Variants in ACSF3 observed in about 807,000 individuals in gnomAD.
ACSF3 encodes malonate--CoA ligase ACSF3, mitochondrial.
Under a neutral mutation model 53.2 loss-of-function variants are expected in ACSF3, and 78 were observed. The observed-to-expected ratio is 1.47, with a 90% CI of 1.22 to 1.77. ACSF3 has a LOEUF of 1.77. ACSF3 is among the 40% of genes most tolerant of loss of function. ACSF3 has a pLI of 0.00. For missense variants in ACSF3, 937 were observed against 771.1 expected (o/e 1.22, Z -2.55); for synonymous variants, 414 against 333.1 (o/e 1.24, Z -2.65).
rs907702954 is a variant in ACSF3, at chr16:89,112,017, C to T, written c.823-75C>T. On this transcript the variant is annotated intron_variant, in intron 4 of 10. Transcript: ENST00000614302. ...GAATGTGAACCATGAGAACGCTGTG[C>T]CTGGAGCCAGGAGCCTCCGCCACGG... 3 of 164,806 alleles carry T rather than the reference C, an allele frequency of 1.8e-5. No individual in the cohort carries two copies. The African/African-American group carries it at 2.4e-4, about 13-fold the overall frequency. 10.2% of individuals were successfully genotyped at this position (164,806 alleles called of 1,614,324 possible).
At chr16:89,105,048 C>T (rs1006267403) in intron 4 of ACSF3, among the ~76,000 whole-genome samples, 23 of 151,218 alleles carry the variant, frequency 1.5e-4, no homozygotes, top group Non-Finnish European at 2.8e-4. Flanking sequence ...AGGGCCCCGT[C>T]GCCAGGGTCA....
chr16:89,112,707 C>T (rs748602798), intron 5 of ACSF3, among the ~76,000 whole-genome samples: 6 of 152,008 alleles, frequency 3.9e-5, no homozygotes, highest in Non-Finnish European at 7.4e-5. Context: ...TCTTTGTCTC[C>T]GTCTGTCTGT....
At chr16:89,101,780 C>T (rs1975375470) in intron 3 of ACSF3, among the ~76,000 whole-genome samples, 1 of 152,244 alleles carries the variant, frequency 6.6e-6, no homozygotes, top group Non-Finnish European at 1.5e-5. Flanking sequence ...ACATCACTTA[C>T]CTGGCATTTG....
At chr16:89,120,662 A>G in intron 6 of ACSF3, 139 bp from the exon 7 acceptor site, 1 of 824,102 alleles carries the variant, frequency 1.2e-6, no homozygotes, top group Non-Finnish European at 2.1e-6. Context: ...TCTCTGGGTC[A>G]CAGGGCACGT....
intron 2 of ACSF3, among the ~76,000 whole-genome samples, chr16:89,100,371 T>C (rs965307627): frequency 1.9e-4 from 29 of 152,264 alleles, no homozygotes; most frequent in Non-Finnish European, 8.8e-5. Flanking sequence ...TTGAATTTTA[T>C]ATGCTTCTCC....
chr16:89,112,177 A>T lies in ACSF3; in HGVS notation c.908A>T (p.Tyr303Phe), dbSNP rs763993699. 2 of 1,343,804 alleles carry T rather than the reference A, an allele frequency of 1.5e-6. No individual in the cohort carries two copies. The highest frequency in any genetic ancestry group is 9.7e-7 in the Non-Finnish European group (1 of 1,030,950). The allele number at this position is 1,343,804 out of a possible 1,614,324, so 83.2% of individuals were successfully genotyped here. A position where few individuals can be genotyped will look rare whatever the true frequency, so the allele number is the denominator to read the frequency against. ...VPTIYTKLME[Y>F]YDRHFTQPHA... is the part of the protein sequence containing the mutation. ...ACAATATACACCAAGCTGATGGAGT[A>T]CTACGACAGGCATTTTACCCAGCCG... The change falls in exon 5 of 11, where the codon TAC (tyrosine) becomes TTC (phenylalanine). Residue 303 changes from tyrosine (Y) to phenylalanine (F), a missense_variant. Coordinates refer to ENST00000614302, the MANE Select transcript of ACSF3 (RefSeq NM_001243279.3).
At chr16:89,123,057 AGCGTACGGGGGGTTT>A (rs2151485471) in intron 7 of ACSF3, among the ~76,000 whole-genome samples, 2 of 152,298 alleles carry the variant, frequency 1.3e-5, no homozygotes, top group East Asian at 3.9e-4. Context: ...CTTAAATCTC[AGCGTACGGGGGGTTT>A]GCATCTGCTG....
chr16:89,125,954 GTC>G (rs1907964361), intron 7 of ACSF3, among the ~76,000 whole-genome samples: 1 of 22,500 alleles, frequency 4.4e-5, no homozygotes, highest in African/African-American at 1.7e-4. Context: ...AACACGGTAT[GTC>G]TCTCCATTTA....
At chr16:89,145,237 G>A (rs368879201) in intron 8 of ACSF3, 30 bp from the exon 9 acceptor site, 10 of 1,613,988 alleles carry the variant, frequency 6.2e-6, no homozygotes, top group African/African-American at 1.3e-5. Flanking sequence ...GTTTAAGGAT[G>A]GCCAGTTAAC....
intron 10 of ACSF3, chr16:89,149,211 A>G (rs1913659859): frequency 6.6e-6 from 1 of 152,188 alleles, no homozygotes; most frequent in African/African-American, 2.4e-5. Flanking sequence ...ACAAGTCTTT[A>G]GGAAGTTCCA....
intron 3 of ACSF3, among the ~76,000 whole-genome samples, chr16:89,102,002 C>T (rs1490341649): frequency 6.6e-6 from 1 of 152,188 alleles, no homozygotes; most frequent in Admixed American, 6.5e-5. Flanking sequence ...CTCCTCTGTC[C>T]TTGCTGAGGG....
chr16:89,149,189 C>G (rs1241913670), intron 10 of ACSF3: 3 of 152,220 alleles, frequency 2.0e-5, no homozygotes, highest in African/African-American at 7.2e-5. Flanking sequence ...GCATTTTAGT[C>G]ACAACAATTT....
rs527633723 is a variant in ACSF3, at chr16:89,096,787, C to T, written c.-193-1804C>T. ...GCCCTTCTCACCCTCCATAGGAAGCCTCCCCACCAGGCCCCCGTCCGTTCC... is the reference window on the plus strand; with the variant it reads ...GCCCTTCTCACCCTCCATAGGAAGCTTCCCCACCAGGCCCCCGTCCGTTCC... On this transcript the variant is annotated intron_variant, in intron 1 of 10. Transcript: ENST00000614302. Among the ~76,000 whole-genome samples the T allele has an allele frequency of 5.4e-4, 83 of 152,334 alleles. 2 individuals carry two copies. The highest frequency in any genetic ancestry group is 3.4e-3 in the Middle Eastern group (1 of 294).
chr16:89,132,041 C>G (rs12918372), intron 7 of ACSF3, among the ~76,000 whole-genome samples: 33,795 of 151,920 alleles, frequency 0.22, 4,238 homozygotes, highest in East Asian at 0.49. Flanking sequence ...TGGAGGAGCC[C>G]AGGCTGGCGG....
At chr16:89,130,410 C>A (rs2151511289) in intron 7 of ACSF3, among the ~76,000 whole-genome samples, 1 of 152,214 alleles carries the variant, frequency 6.6e-6, no homozygotes, top group Admixed American at 6.5e-5. Flanking sequence ...CCTGTCTCTA[C>A]TAAAAATACA....
intron 7 of ACSF3, among the ~76,000 whole-genome samples, chr16:89,123,947 G>T (rs181242552): frequency 1.6e-4 from 24 of 151,902 alleles, no homozygotes; most frequent in Admixed American, 9.2e-4. Context: ...ACAGATACAC[G>T]CAGTGTGCAC....
In ACSF3 at chr16:89,102,692, A is replaced by G. The variant is rs373246881; in HGVS notation, c.755A>G (p.Asn252Ser). The change falls in exon 4 of 11, where the codon AAC (asparagine) becomes AGC (serine). Residue 252 changes from asparagine to serine, a missense_variant. Physicochemically the swap from Asn to Ser is conservative, Grantham distance 46 (BLOSUM62 1). Coordinates refer to ENST00000614302, the MANE Select transcript of ACSF3 (RefSeq NM_001243279.3). Reference protein sequence around the residue: ...LPLHHVHGVVNALLCPLWVGA... With the variant: ...LPLHHVHGVVSALLCPLWVGA... ...CTGCACCACGTCCATGGTGTGGTCA[A>G]CGCGCTGCTCTGTCCTCTCTGGGTG... 15 of 1,612,818 alleles carry G rather than the reference A, an allele frequency of 9.3e-6. No homozygotes were observed. Among genetic ancestry groups the G allele is most frequent in the Non-Finnish European group, 1.1e-5 (13 of 1,179,938 alleles).
At chr16:89,149,169 A>T (rs1193382329) in intron 10 of ACSF3, 1 of 152,222 alleles carries the variant, frequency 6.6e-6, no homozygotes, top group East Asian at 1.9e-4. Flanking sequence ...CATTGTCCAT[A>T]TCGCTATTAG....
intron 4 of ACSF3, among the ~76,000 whole-genome samples, chr16:89,103,958 C>T (rs551153093): frequency 1.3e-5 from 2 of 152,330 alleles, no homozygotes; most frequent in African/African-American, 2.4e-5. Context: ...AGGACCTGGG[C>T]TCGAGGCGGG....
Sources: gnomAD v4.1 joint callset for allele counts (sites outside exome capture counted in the v4.1 genomes callset) on GRCh38, gnomAD v4.1.1 for gene constraint, MANE v1.5 for transcripts, NCBI Gene and HGNC (gene_info 2026-07-23, HGNC 2026-07-21) for gene names.